The following WBP11 variants were observed in gnomAD, a reference collection of about 807,000 sequenced individuals.
The protein encoded by WBP11 is WW domain-binding protein 11.
A neutral mutation model predicts 66.7 loss-of-function variants in WBP11; 12 were observed. That is an observed-to-expected ratio of 0.18 (90% confidence interval 0.12 to 0.29). The LOEUF (loss-of-function observed/expected upper bound fraction) is 0.29. WBP11 is among the 10% of genes least tolerant of loss of function. The pLI is 1.00. For missense variants in WBP11, 555 were observed against 818.3 expected, an observed-to-expected ratio of 0.68 and a Z score of 3.93; for synonymous variants, 255 against 273.8, an observed-to-expected ratio of 0.93 and a Z score of 0.68.
At position 14,785,494 on chromosome 12, in the gene WBP11, C is replaced by T. The variant is rs1190770103; in HGVS notation, c.*1571G>A. ...CTTACATCTGAACAGACTCAATTCACCTGTGGACCCGTATTAATATTACAC... is the reference window on the plus strand; with the variant it reads ...CTTACATCTGAACAGACTCAATTCATCTGTGGACCCGTATTAATATTACAC... On this transcript the variant is annotated 3_prime_UTR_variant, in exon 12 of 12. Transcript: ENST00000261167. 1.3e-5 allele frequency: 2 copies of T among 152,058 alleles called. No homozygotes were observed. The highest frequency in any genetic ancestry group is 2.9e-5 in the Non-Finnish European group (2 of 68,014). The allele number at this position is 152,058 out of a possible 1,614,324, so 9.4% of individuals were successfully genotyped here. A position where few individuals can be genotyped will look rare whatever the true frequency, so the allele number is the denominator to read the frequency against.
At position 14,795,186 on chromosome 12, in the gene WBP11, T is replaced by G. The variant is rs895829484; in HGVS notation, c.388-82A>C. 1.2e-5 allele frequency: 17 copies of G among 1,405,138 alleles called. No homozygotes were observed. In the African/African-American group the frequency reaches 2.4e-4, roughly 20 times the overall value. The allele number at this position is 1,405,138 out of a possible 1,614,324, so 87.0% of individuals were successfully genotyped here. A position where few individuals can be genotyped will look rare whatever the true frequency, so the allele number is the denominator to read the frequency against. ...TAAAAATGACAAGTCAGCTGTTTCG[T>G]AACTTGGACATGCTTTCCAACTAAC... is the stretch of plus-strand genomic sequence containing the variant. On this transcript the variant is annotated intron_variant, in intron 5 of 11. Transcript: ENST00000261167.
At chr12:14,790,424 T>G (rs746997152) in intron 10 of WBP11, 32 bp downstream of exon 10, 4 of 1,602,362 alleles carry the variant, frequency 2.5e-6, no homozygotes, top group Middle Eastern at 1.7e-4. Flanking sequence ...CTAACCTCAT[T>G]TAAACTTTAT....
intron 6 of WBP11, 45 bp from the exon 7 acceptor site, chr12:14,794,781 A>G: frequency 1.3e-6 from 2 of 1,531,776 alleles, no homozygotes; most frequent in Non-Finnish European, 1.7e-6. Context: ...CACAGTAATC[A>G]CTTAACAGTA....
At position 14,794,610 on chromosome 12, in the gene WBP11, G is replaced by A; in HGVS notation, c.648C>T (p.Gly216=). ...GATCTAGGGCAAAACCCACTTTACG[G>A]CCATACATCTGCACGACTTGAGGAG... ...PPPPQVVQMY[G]RKVGFALDLP... The change falls in exon 7 of 12, where the codon GGC becomes GGT. Residue 216 remains glycine (G), a synonymous_variant. Coordinates refer to ENST00000261167, the MANE Select transcript of WBP11 (RefSeq NM_016312.3). 1.9e-6 allele frequency: 3 copies of A among 1,614,000 alleles called. No homozygotes were observed. The highest frequency in any genetic ancestry group is 2.5e-6 in the Non-Finnish European group (3 of 1,179,996).
intron 3 of WBP11, 42 bp downstream of exon 3, chr12:14,800,710 A>T: frequency 6.4e-7 from 1 of 1,553,240 alleles, no homozygotes; most frequent in Non-Finnish European, 8.8e-7. Context: ...AAGATGTACC[A>T]AACAATACTT....
chr12:14,800,927 C>T (rs1337091156), intron 2 of WBP11, 144 bp from the exon 3 acceptor site: 4 of 624,080 alleles, frequency 6.4e-6, no homozygotes, highest in South Asian at 5.2e-5. Flanking sequence ...CTCTCCACTA[C>T]ATGCCAAGAG....
At position 14,796,361 on chromosome 12, in the gene WBP11, T is replaced by C. The variant is rs1232083050; in HGVS notation, c.387+446A>G. On this transcript the variant is annotated intron_variant, in intron 5 of 11. Transcript: ENST00000261167. The surrounding 1 kb of genome is among the most constrained non-coding windows in gnomAD (Gnocchi z 4.5). ...GGATTAGATTTGCAGGTTCACACAGTAGGTATATGTTTAGTTTTAGAAGAA... is the reference window on the plus strand; with the variant it reads ...GGATTAGATTTGCAGGTTCACACAGCAGGTATATGTTTAGTTTTAGAAGAA... Among the ~76,000 whole-genome samples the C allele has an allele frequency of 1.3e-5, 2 of 152,204 alleles. No individual in the cohort carries two copies. The highest frequency in any genetic ancestry group is 2.9e-5 in the Non-Finnish European group (2 of 68,030).
chr12:14,799,451 C>T, intron 4 of WBP11, 184 bp downstream of exon 4: 1 of 460,836 alleles, frequency 2.2e-6, no homozygotes, highest in Non-Finnish European at 3.8e-6. Flanking sequence ...ATTCTGGTAT[C>T]TGGGGTCTCC....
intron 9 of WBP11, 149 bp downstream of exon 9, chr12:14,791,020 C>T (rs1949815760): frequency 2.5e-6 from 2 of 809,680 alleles, no homozygotes; most frequent in Non-Finnish European, 3.8e-6. Context: ...CTTTAGGCAG[C>T]CTATATAATG....
At chr12:14,795,837 TG>T (rs1167397139) in intron 5 of WBP11, among the ~76,000 whole-genome samples, 1 of 152,240 alleles carries the variant, frequency 6.6e-6, no homozygotes, top group Non-Finnish European at 1.5e-5. Context: ...GTTGAATTTC[TG>T]TTGTGTATTA....
chr12:14,803,156 C>T (rs1477767341), intron 1 of WBP11, among the ~76,000 whole-genome samples, 196 bp downstream of exon 1: 1 of 152,166 alleles, frequency 6.6e-6, no homozygotes, highest in Non-Finnish European at 1.5e-5. Context: ...CCAACCGACC[C>T]GGGCGATGCC....
Position 14,795,184 on chromosome 12 carries a change from C to T in WBP11, c.388-80G>A, listed in dbSNP as rs528896823. On this transcript the variant is annotated intron_variant, in intron 5 of 11. Coordinates refer to ENST00000261167, the MANE Select transcript of WBP11 (RefSeq NM_016312.3). ...ACTAAAAATGACAAGTCAGCTGTTT[C>T]GTAACTTGGACATGCTTTCCAACTA... 5.9e-5 allele frequency: 83 copies of T among 1,410,588 alleles called. 1 individual carries two copies. In the South Asian group the frequency reaches 1.1e-3, roughly 19 times the overall value. 87.4% of individuals were successfully genotyped at this position (1,410,588 alleles called of 1,614,324 possible).
Position 14,787,224 on chromosome 12 carries a change from A to G in WBP11, c.1767T>C (p.Asn589=). Residue 589 remains asparagine, a synonymous_variant, in exon 12 of 12, where the codon AAT becomes AAC. Coordinates refer to ENST00000261167, the MANE Select transcript of WBP11 (RefSeq NM_016312.3). ...VPTALRVRRE[N]KGATAAPQRK... Reference sequence around the variant, plus strand: ...TTTGGGGAGCAGCAGTAGCCCCTTTATTCTCCCGACGTACTCTCAGTGCAG... The same window carrying G: ...TTTGGGGAGCAGCAGTAGCCCCTTTGTTCTCCCGACGTACTCTCAGTGCAG... The G allele has an allele frequency of 6.2e-7, 1 of 1,614,150 alleles. No homozygotes were observed. The highest frequency in any genetic ancestry group is 8.5e-7 in the Non-Finnish European group (1 of 1,180,044).
chr12:14,803,216 A>C (rs1366467813), intron 1 of WBP11, 136 bp downstream of exon 1: 1 of 388,502 alleles, frequency 2.6e-6, no homozygotes, highest in Non-Finnish European at 4.5e-6. Context: ...GGAATAGCCC[A>C]GTCCGCAACA....
At chr12:14,799,835 G>C (rs1453878901) in intron 3 of WBP11, 107 bp from the exon 4 acceptor site, 3 of 1,001,546 alleles carry the variant, frequency 3.0e-6, no homozygotes, top group East Asian at 5.9e-5. Context: ...CTGATCACTT[G>C]TTTCAACCAC....
In WBP11 at chr12:14,797,110, G is replaced by T. The variant is rs1432750606; in HGVS notation, c.191-107C>A. 3 of 734,470 alleles carry T rather than the reference G, an allele frequency of 4.1e-6. No homozygotes were observed. In the African/African-American group the frequency reaches 5.5e-5, roughly 13 times the overall value. The allele number at this position is 734,470 out of a possible 1,614,324, so 45.5% of individuals were successfully genotyped here. ...CATATATGCTAAAAAATTTTTAAGA[G>T]ATCTAGACACCAGACATACTCTTTT... On this transcript the variant is annotated intron_variant, in intron 4 of 11. Coordinates refer to ENST00000261167, the MANE Select transcript of WBP11 (RefSeq NM_016312.3).
chr12:14,791,990 T>C (rs1339099346), intron 8 of WBP11, among the ~76,000 whole-genome samples: 2 of 147,092 alleles, frequency 1.4e-5, no homozygotes, highest in East Asian at 4.1e-4. Flanking sequence ...TGGGGAAGGG[T>C]GGGAGGGGAG....
At chr12:14,802,298 C>A (rs192401518) in intron 1 of WBP11, among the ~76,000 whole-genome samples, 14 of 152,216 alleles carry the variant, frequency 9.2e-5, no homozygotes, top group Admixed American at 9.2e-4. Context: ...GTAATAAAGG[C>A]GGACAAATTT....
chr12:14,793,101 G>C (rs1464113264), intron 8 of WBP11, among the ~76,000 whole-genome samples: 1 of 152,060 alleles, frequency 6.6e-6, no homozygotes, highest in African/African-American at 2.4e-5. Context: ...ATATTACATA[G>C]TATTATATAT....
Sources: gnomAD v4.1 joint callset for allele counts (sites outside exome capture counted in the v4.1 genomes callset) on GRCh38, gnomAD v4.1.1 for gene constraint, Gnocchi (gnomAD v3.1) non-coding constraint, MANE v1.5 for transcripts, NCBI Gene and HGNC (gene_info 2026-07-23, HGNC 2026-07-21) for gene names.